The following WDFY4 variants were observed in gnomAD, a reference collection of about 807,000 sequenced individuals.
WDFY4 encodes the protein WD repeat- and FYVE domain-containing protein 4.
A neutral mutation model predicts 351.9 loss-of-function variants in WDFY4; 169 were observed. That is an observed-to-expected ratio of 0.48 (90% CI 0.42 to 0.55). WDFY4 has a LOEUF of 0.55. Ranked by LOEUF, WDFY4 falls within the 20% of genes least tolerant of loss-of-function variation. The probability of loss-of-function intolerance (pLI) is 0.00; values close to 1 mark genes in which losing one functional copy is unlikely to be tolerated. For missense variants in WDFY4, 3,803 were observed against 3,935.6 expected, an observed-to-expected ratio of 0.97 and a Z score of 0.90; for synonymous variants, 1,622 against 1,574.6, an observed-to-expected ratio of 1.03 and a Z score of -0.71.
rs551737740 is a variant in WDFY4 at position 48,830,534 on chromosome 10, C to T, written c.6341-166C>T. ...GGTGGCATTGTTGTCAGGCCTGTGGCTCTCAGTACTGATTGCTTCTCGCTG... is the reference window on the plus strand; with the variant it reads ...GGTGGCATTGTTGTCAGGCCTGTGGTTCTCAGTACTGATTGCTTCTCGCTG... On this transcript the variant is annotated intron_variant, in intron 37 of 61. Coordinates refer to ENST00000325239, the MANE Select transcript of WDFY4 (RefSeq NM_001394531.1). 1.9e-4 allele frequency among the ~76,000 whole-genome samples: 29 copies of T among 152,272 alleles called. No homozygotes were observed. In the East Asian group the frequency reaches 5.0e-3, roughly 26 times the overall value.
At chr10:48,803,887 T>C (rs1403104293) in intron 25 of WDFY4, among the ~76,000 whole-genome samples, 1 of 152,238 alleles carries the variant, frequency 6.6e-6, no homozygotes, top group Admixed American at 6.5e-5. Flanking sequence ...CTGTCACCAC[T>C]CTTGCCTCTG....
intron 39 of WDFY4, among the ~76,000 whole-genome samples, chr10:48,837,845 G>A (rs1026884604): frequency 1.8e-4 from 27 of 152,194 alleles, no homozygotes; most frequent in African/African-American, 6.5e-4. Context: ...GGGATCAACT[G>A]TATACATATG....
chr10:48,974,829 T>C, intron 57 of WDFY4, 33 bp from the exon 58 acceptor site: 9 of 1,492,588 alleles, frequency 6.0e-6, no homozygotes, highest in Non-Finnish European at 8.1e-6. Context: ...GAATTGAGGG[T>C]CCCTCTCCTA....
At chr10:48,817,492 TC>T (rs1372075271) in intron 32 of WDFY4, 83 bp downstream of exon 32, 4 of 1,403,542 alleles carry the variant, frequency 2.8e-6, no homozygotes, top group Middle Eastern at 1.8e-4. Context: ...ATCCCTCCCC[TC>T]CCCCCTAAAA....
intron 39 of WDFY4, among the ~76,000 whole-genome samples, chr10:48,838,939 G>T (rs2068502178): frequency 6.6e-6 from 1 of 152,228 alleles, no homozygotes; most frequent in Admixed American, 6.5e-5. Flanking sequence ...CTGCTGATGA[G>T]AGGAGGGTCT....
chr10:48,790,404 T>A (rs1349795905), intron 22 of WDFY4, among the ~76,000 whole-genome samples: 1 of 151,988 alleles, frequency 6.6e-6, no homozygotes, highest in Non-Finnish European at 1.5e-5. Context: ...GAGCAATGGG[T>A]TGTTAGAGCA....
At chr10:48,804,788 T>C in intron 25 of WDFY4, 1 of 970,658 alleles carries the variant, frequency 1.0e-6, no homozygotes, top group Non-Finnish European at 1.2e-6. Context: ...GGGGTATGGA[T>C]AGGTGGATTC....
At chr10:48,956,802 G>A (rs1305552463) in intron 51 of WDFY4, among the ~76,000 whole-genome samples, 3 of 152,190 alleles carry the variant, frequency 2.0e-5, no homozygotes, top group Admixed American at 2.0e-4. Flanking sequence ...TTCAGAGCTG[G>A]CCCTCTGCAG....
Position 48,723,520 on chromosome 10 carries a change from G to T in WDFY4, c.544G>T (p.Asp182Tyr), listed in dbSNP as rs762595518. ...YLFFVFPLDK[D>Y]ELLESDLQVQ... ...CTTCTTTGTCTTTCCTCTGGACAAA[G>T]ATGAGCTTCTTGAGAGTGATCTTCA... Residue 182 changes from aspartate to tyrosine, a missense_variant, in exon 5 of 62, where the codon GAT becomes TAT. Coordinates refer to ENST00000325239, the MANE Select transcript of WDFY4 (RefSeq NM_001394531.1). The T allele has an allele frequency of 2.9e-5, 45 of 1,551,726 alleles. No individual in the cohort carries two copies. The highest frequency in any genetic ancestry group is 3.8e-5 in the Non-Finnish European group (44 of 1,147,070).
chr10:48,901,690 G>A (rs895161834), intron 46 of WDFY4, 111 bp from the exon 47 acceptor site: 32 of 1,188,080 alleles, frequency 2.7e-5, no homozygotes, highest in African/African-American at 7.6e-5. Context: ...AGGATGGAGC[G>A]AGGGGGAGCA....
chr10:48,841,106 A>C (rs2068588383), intron 39 of WDFY4, among the ~76,000 whole-genome samples: 2 of 152,202 alleles, frequency 1.3e-5, no homozygotes, highest in Non-Finnish European at 1.5e-5. Flanking sequence ...TTTGAATCAG[A>C]TATTCATTTC....
chr10:48,709,872 T>A lies in WDFY4; in HGVS notation c.140T>A (p.Leu47Gln). The change falls in exon 2 of 62, where the codon CTG (leucine) becomes CAG (glutamine). Residue 47 changes from leucine (L) to glutamine (Q), a missense_variant. By Grantham distance (113) the Leu-to-Gln change is moderately radical. Coordinates refer to ENST00000325239, the MANE Select transcript of WDFY4 (RefSeq NM_001394531.1). ...SSSPTALWDM[L>Q]ERKFLEYQQL... ...AGCCCCACAGCTCTCTGGGACATGC[T>A]GGAAAGGAAGTTTCTGGAATACCAG... The A allele has an allele frequency of 6.4e-7, 1 of 1,551,996 alleles. No homozygotes were observed. Among genetic ancestry groups the A allele is most frequent in the Non-Finnish European group, 8.7e-7 (1 of 1,147,060 alleles).
chr10:48,941,288 A>G (rs950661133), intron 47 of WDFY4, among the ~76,000 whole-genome samples: 1 of 152,240 alleles, frequency 6.6e-6, no homozygotes, highest in Non-Finnish European at 1.5e-5. Context: ...GAAACAAACA[A>G]CAAAAAAAAC....
chr10:48,922,474 A>G (rs1290238588), intron 47 of WDFY4, among the ~76,000 whole-genome samples: 2 of 152,258 alleles, frequency 1.3e-5, no homozygotes, highest in Non-Finnish European at 2.9e-5. Flanking sequence ...GCTAACATCT[A>G]CAGCAAGAAT....
In WDFY4 at chr10:48,915,793, A is replaced by C. The variant is rs145721166; in HGVS notation, c.7586+13930A>C. ...TGGTGGTCTCCACAGTAAACCAATG[A>C]CAGTTCTTAGCTCTTGGCAGCATTG... On this transcript the variant is annotated intron_variant, in intron 47 of 61. Transcript: ENST00000325239. Among the ~76,000 whole-genome samples the C allele has an allele frequency of 2.6e-5, 4 of 152,196 alleles. No individual in the cohort carries two copies. In the East Asian group the frequency reaches 5.8e-4, roughly 22 times the overall value.
At position 48,796,369 on chromosome 10, in the gene WDFY4, G is replaced by A; in HGVS notation, c.4329G>A (p.Val1443=). ...GAATTTTTCAGCTGATCCTCTCAGT[G>A]GCTGGCACTGTGGAGCTGGGCTTCA... ...NHRIFQLILS[V]AGTVELGFRS... is the part of the protein sequence containing the mutation. Residue 1443 remains valine (V), a synonymous_variant, in exon 24 of 62, where the codon GTG becomes GTA. Coordinates refer to ENST00000325239, the MANE Select transcript of WDFY4 (RefSeq NM_001394531.1). 1 of 1,552,324 alleles carries A rather than the reference G, an allele frequency of 6.4e-7. No individual in the cohort carries two copies. Among genetic ancestry groups the A allele is most frequent in the South Asian group, 1.2e-5 (1 of 84,064 alleles).
At chr10:48,945,645 C>A (rs148763085) in intron 49 of WDFY4, among the ~76,000 whole-genome samples, 36 of 152,336 alleles carry the variant, frequency 2.4e-4, no homozygotes, top group African/African-American at 8.2e-4. Context: ...CAGATGACTT[C>A]TAACTTCCTG....
At chr10:48,739,993 C>A (rs930395083) in intron 11 of WDFY4, among the ~76,000 whole-genome samples, 1 of 152,238 alleles carries the variant, frequency 6.6e-6, no homozygotes, top group South Asian at 2.1e-4. Flanking sequence ...AGCACTCAGG[C>A]GATTGTCTGT....
chr10:48,831,466 C>T (rs1248207675), intron 38 of WDFY4, among the ~76,000 whole-genome samples: 3 of 152,204 alleles, frequency 2.0e-5, no homozygotes, highest in African/African-American at 7.2e-5. Flanking sequence ...CTTACACCTC[C>T]TATACTTGTA....
Sources: allele counts gnomAD v4.1 joint callset (sites outside exome capture counted in the v4.1 genomes callset), GRCh38; gene constraint gnomAD v4.1.1; transcripts MANE v1.5; gene names NCBI Gene and HGNC (gene_info 2026-07-23, HGNC 2026-07-21).